The following IGF1R variants were observed in gnomAD, a reference collection of about 807,000 sequenced individuals.
The protein encoded by IGF1R is insulin-like growth factor 1 receptor.
IGF1R carries 44 observed loss-of-function variants against 144.6 expected under a neutral mutation model. That is an observed-to-expected ratio of 0.30 (90% CI 0.24 to 0.39). The LOEUF is 0.39. Among genes scored for constraint, IGF1R ranks in the 10% least tolerant of loss-of-function variants. IGF1R has a pLI of 1.00. For missense variants in IGF1R, 1,355 were observed against 1,833.7 expected, an observed-to-expected ratio of 0.74 and a Z score of 4.77; for synonymous variants, 795 against 722.8, an observed-to-expected ratio of 1.10 and a Z score of -1.60.
chr15:98,672,278 G>C (rs1461222111), intron 1 of IGF1R, among the ~76,000 whole-genome samples: 1 of 152,134 alleles, frequency 6.6e-6, no homozygotes, highest in Non-Finnish European at 1.5e-5. Context: ...ATAAAATGTA[G>C]ATAAGGCTGG....
intron 2 of IGF1R, among the ~76,000 whole-genome samples, chr15:98,876,103 A>G (rs1414305839): frequency 2.0e-5 from 3 of 152,176 alleles, no homozygotes; most frequent in African/African-American, 7.2e-5. Flanking sequence ...ATAATAGTAG[A>G]TATTTAATGG....
At position 98,754,321 on chromosome 15, in the gene IGF1R, A is replaced by G. The variant is rs529198244; in HGVS notation, c.640+46214A>G. Among the ~76,000 whole-genome samples the G allele has an allele frequency of 5.3e-5, 8 of 152,286 alleles. No homozygotes were observed. In the East Asian group the frequency reaches 1.4e-3, roughly 26 times the overall value. On this transcript the variant is annotated intron_variant, in intron 2 of 20. Coordinates refer to ENST00000650285, the MANE Select transcript of IGF1R (RefSeq NM_000875.5). ...TGAGGATTTGGAAGTAGAGGGCTCT[A>G]CTAGTGCTTCCTTTTTGTCCTTTTC...
intron 2 of IGF1R, among the ~76,000 whole-genome samples, chr15:98,724,773 C>A (rs1019709033): frequency 2.0e-5 from 3 of 152,158 alleles, no homozygotes; most frequent in Non-Finnish European, 4.4e-5. Flanking sequence ...CAGAGGGAGC[C>A]CCGGATGCCT....
chr15:98,665,167 G>A (rs1278633599), intron 1 of IGF1R, among the ~76,000 whole-genome samples: 1 of 152,058 alleles, frequency 6.6e-6, no homozygotes, highest in East Asian at 1.9e-4. Flanking sequence ...TAGCCAGGAT[G>A]GTCTTGATCT....
intron 2 of IGF1R, among the ~76,000 whole-genome samples, chr15:98,763,691 A>G (rs1330742182): frequency 6.6e-6 from 1 of 152,214 alleles, no homozygotes; most frequent in East Asian, 1.9e-4. Context: ...CCCTTGTTAC[A>G]ACTGGGTTAA....
chr15:98,705,413 A>G (rs2053837454), intron 1 of IGF1R, among the ~76,000 whole-genome samples: 1 of 152,168 alleles, frequency 6.6e-6, no homozygotes, highest in Non-Finnish European at 1.5e-5. Context: ...AAGTTTTGCT[A>G]TGTAGGGGCT....
intron 2 of IGF1R, among the ~76,000 whole-genome samples, chr15:98,732,257 G>A (rs542691041): frequency 9.2e-5 from 14 of 152,168 alleles, no homozygotes; most frequent in Non-Finnish European, 1.5e-4. Context: ...GCAGGGCCTC[G>A]CAGGATGCAG....
At position 98,707,261 on chromosome 15, in the gene IGF1R, C is replaced by CCTCTGT. The variant is rs1215003766; in HGVS notation, c.95-300_95-295dup. ...GTTGCAGATTTAACTTTCGCCTCTG[C>CCTCTGT]CTCTGTGTGCCTCTGGGCTGTAAGC... On this transcript the variant is annotated intron_variant, in intron 1 of 20. Transcript: ENST00000650285. This position sits in a 1 kb window ranked among gnomAD's most constrained non-coding sequence, Gnocchi z 6.7. Among the ~76,000 whole-genome samples, 2 of 152,182 alleles carry CCTCTGT rather than the reference C, an allele frequency of 1.3e-5. No individual in the cohort carries two copies. Among genetic ancestry groups the CCTCTGT allele is most frequent in the Admixed American group, 1.3e-4 (2 of 15,282 alleles).
chr15:98,940,119 C>G (rs1355896366), intron 18 of IGF1R, among the ~76,000 whole-genome samples: 1 of 152,208 alleles, frequency 6.6e-6, no homozygotes, highest in Non-Finnish European at 1.5e-5. Context: ...TAAAAACACA[C>G]ATAACATCAG....
At chr15:98,811,529 C>CAAA (rs34508591) in intron 2 of IGF1R, among the ~76,000 whole-genome samples, 4 of 134,276 alleles carry the variant, frequency 3.0e-5, no homozygotes, top group Admixed American at 7.5e-5. Context: ...AACTCCATCT[C>CAAA]AAAAAAAAAA....
rs2017139729 is a variant in IGF1R at position 98,959,471 on chromosome 15, CCAGGGCGGCACCCT to C, written c.*2036_*2049del. On this transcript the variant is annotated 3_prime_UTR_variant, in exon 21 of 21. Coordinates refer to ENST00000650285, the MANE Select transcript of IGF1R (RefSeq NM_000875.5). ...GTGGGACCCCGGGATCCAGGCTGGCCCAGGGCGGCACCCTCAGGGCTGTGCCCGCTGGAGTGCTA... is the reference window on the plus strand; with the variant it reads ...GTGGGACCCCGGGATCCAGGCTGGCCCAGGGCTGTGCCCGCTGGAGTGCTA... 4.3e-6 allele frequency: 1 copy of C among 233,654 alleles called. No homozygotes were observed. The allele number at this position is 233,654 out of a possible 1,614,324, so 14.5% of individuals were successfully genotyped here. A position where few individuals can be genotyped will look rare whatever the true frequency, so the allele number is the denominator to read the frequency against.
chr15:98,920,984 G>A (rs2015460692), intron 10 of IGF1R, among the ~76,000 whole-genome samples: 1 of 152,208 alleles, frequency 6.6e-6, no homozygotes, highest in Admixed American at 6.5e-5. Flanking sequence ...CCCTGCGTGA[G>A]CTTTCCCTCT....
chr15:98,730,720 C>T (rs1003327141), intron 2 of IGF1R, among the ~76,000 whole-genome samples: 1 of 152,098 alleles, frequency 6.6e-6, no homozygotes, highest in South Asian at 2.1e-4. Context: ...TTTAAATATT[C>T]GAGATCTGTA....
chr15:98,769,811 A>G (rs1567120028), intron 2 of IGF1R, among the ~76,000 whole-genome samples: 1 of 152,142 alleles, frequency 6.6e-6, no homozygotes. Context: ...CTGCTTTTAC[A>G]CTTATTAGCC....
At chr15:98,873,478 G>A (rs960411355) in intron 2 of IGF1R, among the ~76,000 whole-genome samples, 3 of 152,116 alleles carry the variant, frequency 2.0e-5, no homozygotes, top group Non-Finnish European at 4.4e-5. Flanking sequence ...TCTCTTCATC[G>A]AAAAAACAAA....
chr15:98,905,823 A>G (rs2014705824), intron 5 of IGF1R, among the ~76,000 whole-genome samples: 1 of 152,242 alleles, frequency 6.6e-6, no homozygotes, highest in South Asian at 2.1e-4. Context: ...CATATTTTAA[A>G]GATGTGCAGA....
In IGF1R at chr15:98,913,998, A is replaced by G. The variant is rs138698809; in HGVS notation, c.1828+716A>G. Among the ~76,000 whole-genome samples the G allele has an allele frequency of 4.4e-3, 678 of 152,360 alleles. 2 individuals carry two copies. Among genetic ancestry groups the G allele is most frequent in the Middle Eastern group, 0.01 (3 of 294 alleles). ...GGTGGCTTATAAGCAATAGAAATGT[A>G]TTTCTCACAGTTCCAGAAGCCACAA... On this transcript the variant is annotated intron_variant, in intron 8 of 20. Coordinates refer to ENST00000650285, the MANE Select transcript of IGF1R (RefSeq NM_000875.5).
At chr15:98,686,114 A>G (rs1475451536) in intron 1 of IGF1R, among the ~76,000 whole-genome samples, 8 of 152,184 alleles carry the variant, frequency 5.3e-5, no homozygotes, top group African/African-American at 1.9e-4. Flanking sequence ...TGGATACCTC[A>G]TGTAAGTGGA....
intron 10 of IGF1R, among the ~76,000 whole-genome samples, chr15:98,920,497 C>T (rs998196408): frequency 2.0e-5 from 3 of 152,178 alleles, no homozygotes; most frequent in Non-Finnish European, 4.4e-5. Flanking sequence ...CTGACAGACA[C>T]AAGTGTATGT....
Sources: allele counts gnomAD v4.1 joint callset (sites outside exome capture counted in the v4.1 genomes callset), GRCh38; gene constraint gnomAD v4.1.1; non-coding constraint Gnocchi (gnomAD v3.1); transcripts MANE v1.5; gene names NCBI Gene and HGNC (gene_info 2026-07-23, HGNC 2026-07-21).